Variants in RIMS2 observed in about 807,000 individuals in gnomAD.
The protein encoded by RIMS2 is regulating synaptic membrane exocytosis protein 2.
Under a neutral mutation model 174.4 loss-of-function variants are expected in RIMS2, and 59 were observed. The observed-to-expected ratio is 0.34, with a 90% CI of 0.27 to 0.42. The LOEUF (loss-of-function observed/expected upper bound fraction) is 0.42. Among genes scored for constraint, RIMS2 ranks in the 10% least tolerant of loss-of-function variants. The probability of loss-of-function intolerance (pLI) is 1.00; values close to 1 mark genes in which losing one functional copy is unlikely to be tolerated. For missense variants in RIMS2, 1,620 were observed against 1,666.3 expected (o/e 0.97, Z 0.48); for synonymous variants, 606 against 572.5 (o/e 1.06, Z -0.84).
chr8:103,688,116 G>A (rs1201546857), intron 1 of RIMS2, among the ~76,000 whole-genome samples: 1 of 152,034 alleles, frequency 6.6e-6, no homozygotes, highest in Non-Finnish European at 1.5e-5. Flanking sequence ...GCTCTTGCTA[G>A]GATTTCCATT....
At chr8:103,869,491 C>T (rs1432555136) in intron 3 of RIMS2, among the ~76,000 whole-genome samples, 1 of 152,074 alleles carries the variant, frequency 6.6e-6, no homozygotes, top group Admixed American at 6.5e-5. Flanking sequence ...ACCACCACGC[C>T]CAGCTAATTT....
At chr8:103,769,370 C>A (rs988512452) in intron 3 of RIMS2, among the ~76,000 whole-genome samples, 1 of 152,146 alleles carries the variant, frequency 6.6e-6, no homozygotes, top group Non-Finnish European at 1.5e-5. Flanking sequence ...TTTGCTCAGA[C>A]TGGAGTGCAG....
intron 12 of RIMS2, among the ~76,000 whole-genome samples, chr8:103,932,774 C>T (rs183770258): frequency 6.6e-6 from 1 of 152,318 alleles, no homozygotes; most frequent in African/African-American, 2.4e-5. Context: ...AATGGAAGCT[C>T]TTCTAGGCTG....
chr8:104,161,589 G>C (rs1479207516), intron 19 of RIMS2, among the ~76,000 whole-genome samples: 4 of 152,162 alleles, frequency 2.6e-5, no homozygotes, highest in African/African-American at 9.7e-5. Flanking sequence ...TTTTAGATTA[G>C]AGTAGAAATG....
intron 3 of RIMS2, among the ~76,000 whole-genome samples, chr8:103,789,238 G>C (rs1308038453): frequency 1.3e-5 from 2 of 151,990 alleles, no homozygotes; most frequent in Non-Finnish European, 2.9e-5. Context: ...CTTTTGTGTC[G>C]CTCTCGCTGG....
chr8:103,984,132 C>T (rs1458496016), intron 16 of RIMS2, among the ~76,000 whole-genome samples: 1 of 152,008 alleles, frequency 6.6e-6, no homozygotes. Context: ...CGAGATCGCG[C>T]CACTGCACTC....
At chr8:104,211,043 T>C (rs2099103015) in intron 19 of RIMS2, among the ~76,000 whole-genome samples, 1 of 152,196 alleles carries the variant, frequency 6.6e-6, no homozygotes, top group Non-Finnish European at 1.5e-5. Flanking sequence ...TTAAAATCAT[T>C]CCAAACTAGA....
intron 19 of RIMS2, among the ~76,000 whole-genome samples, chr8:104,120,152 T>A (rs1262671410): frequency 1.3e-5 from 2 of 152,214 alleles, no homozygotes; most frequent in African/African-American, 4.8e-5. Context: ...GCAAACCAGA[T>A]GATCTTCAAG....
intron 19 of RIMS2, among the ~76,000 whole-genome samples, chr8:104,203,825 A>T (rs1346341864): frequency 1.3e-5 from 2 of 152,152 alleles, no homozygotes; most frequent in Non-Finnish European, 2.9e-5. Flanking sequence ...TCTTTTAATT[A>T]CACTAAATAA....
rs185538987 is a variant in RIMS2 at position 103,651,333 on chromosome 8, C to G, written c.177-45753C>G. The stretch of plus-strand genomic sequence containing the variant: ...AGATATTTCAGTTGAAGGTGCTGAA[C>G]TGACTTGCTCCTTTCATTCCTCTCC... On this transcript the variant is annotated intron_variant, in intron 1 of 23. Transcript: ENST00000504942. Among the ~76,000 whole-genome samples, 4 of 152,354 alleles carry G rather than the reference C, an allele frequency of 2.6e-5. No individual in the cohort carries two copies. The East Asian group carries it at 7.7e-4, about 29-fold the overall frequency.
At chr8:103,883,932 T>G (rs1224180942) in intron 3 of RIMS2, among the ~76,000 whole-genome samples, 1 of 151,868 alleles carries the variant, frequency 6.6e-6, no homozygotes, top group Non-Finnish European at 1.5e-5. Flanking sequence ...TGAGAACCCT[T>G]GTCTTTGCAT....
intron 19 of RIMS2, among the ~76,000 whole-genome samples, chr8:104,221,073 T>C (rs2099152708): frequency 6.6e-6 from 1 of 152,214 alleles, no homozygotes; most frequent in Admixed American, 6.5e-5. Context: ...TTTCTCCGAG[T>C]ATAATTAGAT....
intron 1 of RIMS2, among the ~76,000 whole-genome samples, chr8:103,517,392 T>G (rs945077490): frequency 6.6e-6 from 1 of 152,050 alleles, no homozygotes; most frequent in Admixed American, 6.6e-5. Flanking sequence ...GCTAGGTGCA[T>G]GGAAGATGGA....
intron 1 of RIMS2, among the ~76,000 whole-genome samples, chr8:103,659,270 G>T (rs182336188): frequency 6.6e-6 from 1 of 152,250 alleles, no homozygotes; most frequent in East Asian, 1.9e-4. Context: ...GCTGCGGGCT[G>T]CCTAGTGTAG....
At chr8:103,909,882 T>C (rs1226619862) in intron 4 of RIMS2, among the ~76,000 whole-genome samples, 1 of 151,984 alleles carries the variant, frequency 6.6e-6, no homozygotes, top group Non-Finnish European at 1.5e-5. Context: ...TTTTCTCTTT[T>C]TGCAGGACTT....
chr8:104,000,167 T>C (rs1203446008), intron 17 of RIMS2, among the ~76,000 whole-genome samples: 1 of 151,520 alleles, frequency 6.6e-6, no homozygotes, highest in African/African-American at 2.4e-5. Flanking sequence ...TTAAAAAATA[T>C]TTTGTACCCA....
chr8:103,765,651 C>T (rs2098162769), intron 2 of RIMS2, among the ~76,000 whole-genome samples: 1 of 151,672 alleles, frequency 6.6e-6, no homozygotes, highest in East Asian at 1.9e-4. Flanking sequence ...AAATAAAAGC[C>T]CCCTTAAGAA....
At chr8:103,751,046 T>G (rs1286641881) in intron 2 of RIMS2, among the ~76,000 whole-genome samples, 2 of 152,058 alleles carry the variant, frequency 1.3e-5, no homozygotes, top group Non-Finnish European at 2.9e-5. Context: ...TAAGCTCTCT[T>G]CTCTTGTCTA....
At chr8:104,040,753 A>G (rs2096594792) in intron 19 of RIMS2, among the ~76,000 whole-genome samples, 1 of 151,698 alleles carries the variant, frequency 6.6e-6, no homozygotes, top group African/African-American at 2.4e-5. Flanking sequence ...AATTTTAATG[A>G]TATTTTGCTG....
Sources: allele counts gnomAD v4.1 joint callset (sites outside exome capture counted in the v4.1 genomes callset), GRCh38; gene constraint gnomAD v4.1.1; transcripts MANE v1.5; gene names NCBI Gene and HGNC (gene_info 2026-07-23, HGNC 2026-07-21).